Variants in ARHGEF4 observed in about 807,000 individuals in gnomAD.
ARHGEF4 encodes APC-stimulated guanine nucleotide exchange factor 1.
A neutral mutation model predicts 162.0 loss-of-function variants in ARHGEF4; 119 were observed. That is an observed-to-expected ratio of 0.73 (90% confidence interval 0.63 to 0.86). The LOEUF is 0.86. Among genes scored for constraint, ARHGEF4 ranks in the 40% least tolerant of loss-of-function variants. The pLI, the probability that ARHGEF4 is intolerant of heterozygous loss-of-function variation, is 0.00. For missense variants in ARHGEF4, 2,488 were observed against 2,456.0 expected, an observed-to-expected ratio of 1.01 and a Z score of -0.28; for synonymous variants, 1,014 against 979.9, an observed-to-expected ratio of 1.03 and a Z score of -0.65.
rs546749235 is a variant in ARHGEF4, at chr2:130,971,135, T to C, written c.3985+24500T>C. 2.8e-4 allele frequency among the ~76,000 whole-genome samples: 43 copies of C among 152,340 alleles called. No individual in the cohort carries two copies. In the South Asian group the frequency reaches 8.7e-3, roughly 31 times the overall value. ...GAAGGTTCATTTTTTTGCATATGCA[T>C]GTCCAATTTTTATAGCACCATTTGT... On this transcript the variant is annotated intron_variant, in intron 4 of 13. Coordinates refer to ENST00000409359, the MANE Select transcript of ARHGEF4 (RefSeq NM_001367493.1).
intron 4 of ARHGEF4, among the ~76,000 whole-genome samples, chr2:130,978,023 G>A (rs781422640): frequency 2.0e-5 from 3 of 152,204 alleles, no homozygotes; most frequent in Admixed American, 6.5e-5. Context: ...GGCATCTGAT[G>A]TGGTGATCTG....
rs118125667 is a variant in ARHGEF4, at chr2:130,856,197, G to T, written c.39+19205G>T. Among the ~76,000 whole-genome samples, 151 of 152,222 alleles carry T rather than the reference G, an allele frequency of 9.9e-4. 2 individuals carry two copies. The East Asian group carries it at 0.026, about 27-fold the overall frequency. On this transcript the variant is annotated intron_variant, in intron 1 of 13. Coordinates refer to ENST00000409359, the MANE Select transcript of ARHGEF4 (RefSeq NM_001367493.1). ...TTGTTAAAGATATGGAAAATATAAC[G>T]ACCAAATAGAAATTAACCAAATGAA... is the stretch of plus-strand genomic sequence containing the variant.
chr2:130,932,495 C>T (rs1682695084), intron 3 of ARHGEF4, among the ~76,000 whole-genome samples: 1 of 152,202 alleles, frequency 6.6e-6, no homozygotes, highest in South Asian at 2.1e-4. Flanking sequence ...AGGCATGAGC[C>T]ACCGCGCCTG....
At chr2:131,035,784 C>T in intron 5 of ARHGEF4, 1 of 985,456 alleles carries the variant, frequency 1.0e-6, no homozygotes, top group African/African-American at 1.7e-5. Flanking sequence ...GAAGCCCCCA[C>T]CCCTGCTGCA....
At chr2:130,840,311 A>G (rs1356962399) in intron 1 of ARHGEF4, among the ~76,000 whole-genome samples, 1 of 152,168 alleles carries the variant, frequency 6.6e-6, no homozygotes, top group African/African-American at 2.4e-5. Context: ...GGGAGGTCAT[A>G]AGTGGGACAG....
chr2:131,019,266 T>C (rs1688941390), intron 4 of ARHGEF4, among the ~76,000 whole-genome samples: 1 of 152,000 alleles, frequency 6.6e-6, no homozygotes, highest in South Asian at 2.1e-4. Flanking sequence ...TACAAGATTA[T>C]CTCGGTGTGG....
At position 130,969,628 on chromosome 2, in the gene ARHGEF4, C is replaced by T. The variant is rs1011257254; in HGVS notation, c.3985+22993C>T. 5.3e-5 allele frequency among the ~76,000 whole-genome samples: 8 copies of T among 152,020 alleles called. 1 individual carries two copies. Among genetic ancestry groups the T allele is most frequent in the Non-Finnish European group, 1.2e-4 (8 of 68,024 alleles). On this transcript the variant is annotated intron_variant, in intron 4 of 13. Coordinates refer to ENST00000409359, the MANE Select transcript of ARHGEF4 (RefSeq NM_001367493.1). ...AAAAAAAAATCATATGTCAAACTAT[C>T]GTTATGTCAGAGGCCATCTGTATTT...
At chr2:131,033,471 G>A (rs962397510) in intron 5 of ARHGEF4, among the ~76,000 whole-genome samples, 4 of 152,150 alleles carry the variant, frequency 2.6e-5, no homozygotes, top group Non-Finnish European at 4.4e-5. Flanking sequence ...TGCCTTTGCC[G>A]GCCATCCAGC....
chr2:130,957,346 T>C (rs997084538), intron 4 of ARHGEF4, among the ~76,000 whole-genome samples: 2 of 152,092 alleles, frequency 1.3e-5, no homozygotes, highest in Non-Finnish European at 2.9e-5. Context: ...TTCAAAACAT[T>C]ATTCTAAGTG....
intron 4 of ARHGEF4, among the ~76,000 whole-genome samples, chr2:130,988,906 A>AGAGC (rs1686740882): frequency 2.6e-5 from 3 of 117,224 alleles, no homozygotes; most frequent in African/African-American, 9.2e-5. Flanking sequence ...ATATATAGAG[A>AGAGC]GAGAGAGAGA....
intron 4 of ARHGEF4, among the ~76,000 whole-genome samples, chr2:130,953,344 G>A (rs929614705): frequency 9.2e-5 from 14 of 152,162 alleles, no homozygotes; most frequent in Admixed American, 2.0e-4. Context: ...TGGGAAAACT[G>A]GCTAGCCATA....
chr2:131,005,219 C>T (rs971121459), intron 4 of ARHGEF4, among the ~76,000 whole-genome samples: 9 of 152,192 alleles, frequency 5.9e-5, no homozygotes, highest in Admixed American at 3.3e-4. Flanking sequence ...ATCTGTCACG[C>T]TCTGGGGGCA....
At chr2:131,029,022 GCCC>G (rs939720947) in intron 5 of ARHGEF4, among the ~76,000 whole-genome samples, 4 of 152,090 alleles carry the variant, frequency 2.6e-5, no homozygotes, top group African/African-American at 9.7e-5. Flanking sequence ...GGAATCAAAG[GCCC>G]ATGAACTCCT....
At chr2:130,910,979 C>T (rs567413732) in intron 1 of ARHGEF4, among the ~76,000 whole-genome samples, 1 of 152,316 alleles carries the variant, frequency 6.6e-6, no homozygotes, top group Admixed American at 6.5e-5. Context: ...CTAATATTCT[C>T]TAAAAAGTGA....
chr2:130,870,709 G>T (rs1177471434), intron 1 of ARHGEF4, among the ~76,000 whole-genome samples: 1 of 152,146 alleles, frequency 6.6e-6, no homozygotes, highest in Non-Finnish European at 1.5e-5. Flanking sequence ...TATGTGCCAG[G>T]TATCTAATTT....
chr2:130,884,297 C>T lies in ARHGEF4; in HGVS notation c.40-29689C>T, dbSNP rs892091090. Among the ~76,000 whole-genome samples, 6 of 151,742 alleles carry T rather than the reference C, an allele frequency of 4.0e-5. 1 individual carries two copies. The East Asian group carries it at 7.7e-4, about 20-fold the overall frequency. ...ATGCATGCACACAGACACACATAGG[C>T]ACGTGCACACACACACACACACCCA... On this transcript the variant is annotated intron_variant, in intron 1 of 13. Coordinates refer to ENST00000409359, the MANE Select transcript of ARHGEF4 (RefSeq NM_001367493.1).
intron 1 of ARHGEF4, among the ~76,000 whole-genome samples, chr2:130,890,178 ATCT>A (rs1056229594): frequency 1.3e-5 from 2 of 152,206 alleles, no homozygotes; most frequent in African/African-American, 4.8e-5. Flanking sequence ...TGTCTTTGTC[ATCT>A]TCTCTCCTTC....
intron 4 of ARHGEF4, among the ~76,000 whole-genome samples, chr2:131,006,682 G>A (rs1342870059): frequency 9.2e-5 from 14 of 151,362 alleles, no homozygotes; most frequent in Admixed American, 8.6e-4. Context: ...TTGGGGTTCT[G>A]TGCCCTATCC....
chr2:131,032,710 T>A (rs1468392397), intron 5 of ARHGEF4, among the ~76,000 whole-genome samples: 1 of 151,704 alleles, frequency 6.6e-6, no homozygotes, highest in East Asian at 2.0e-4. Context: ...CAGACACCTA[T>A]GTCTCCCTTC....
Sources: gnomAD v4.1 joint callset for allele counts (sites outside exome capture counted in the v4.1 genomes callset) on GRCh38, gnomAD v4.1.1 for gene constraint, MANE v1.5 for transcripts, NCBI Gene and HGNC (gene_info 2026-07-23, HGNC 2026-07-21) for gene names.